The following RSRP1 variants were observed in gnomAD, a reference collection of about 807,000 sequenced individuals.
The protein encoded by RSRP1 is arginine and serine rich protein 1.
RSRP1 carries 37 observed loss-of-function variants against 33.0 expected under a neutral mutation model. The ratio of observed to expected loss-of-function variants is 1.12; its 90% CI spans 0.86 to 1.48. RSRP1 has a LOEUF of 1.48. Among genes scored for constraint, RSRP1 ranks in the 40% most tolerant of loss-of-function variants. RSRP1 has a pLI of 0.00. For synonymous variants in RSRP1, 167 were observed against 158.7 expected (o/e 1.05, Z -0.40); for missense variants, 402 against 385.3 (o/e 1.04, Z -0.36).
Position 25,324,567 on chromosome 1 carries a change from T to TA in RSRP1, c.-67+13410dup, listed in dbSNP as rs1194585623. ...AGATCAAGTGAGGTAATAATGTCTG[T>TA]AACAACATTCTGTAAAATGCAAACC... On this transcript the variant is annotated intron_variant, in intron 1 of 1. Transcript: ENST00000561867. 2.0e-5 allele frequency among the ~76,000 whole-genome samples: 3 copies of TA among 152,250 alleles called. No homozygotes were observed. The East Asian group carries it at 5.8e-4, about 29-fold the overall frequency.
At chr1:25,332,073 C>T (rs1402264429) in intron 1 of RSRP1, among the ~76,000 whole-genome samples, 2 of 113,260 alleles carry the variant, frequency 1.8e-5, no homozygotes, top group African/African-American at 6.1e-5. Flanking sequence ...TGGAGTCTTG[C>T]TCTGTTGCCC....
chr1:25,274,882 C>T (rs1353482957), intron 1 of RSRP1, among the ~76,000 whole-genome samples: 3 of 131,134 alleles, frequency 2.3e-5, no homozygotes, highest in African/African-American at 7.8e-5. Context: ...TGGCACACGT[C>T]TATAATCCGA....
chr1:25,322,649 G>C (rs553408584), intron 1 of RSRP1, among the ~76,000 whole-genome samples: 1 of 128,830 alleles, frequency 7.8e-6, no homozygotes, highest in Non-Finnish European at 1.8e-5. Context: ...CTCCAGCCTG[G>C]GTGACAGAGC....
At chr1:25,255,880 T>C (rs1193616823) in intron 1 of RSRP1, among the ~76,000 whole-genome samples, 4 of 152,088 alleles carry the variant, frequency 2.6e-5, no homozygotes, top group African/African-American at 9.7e-5. Flanking sequence ...CAGGCAGTAA[T>C]GCAAGTGATA....
intron 1 of RSRP1, among the ~76,000 whole-genome samples, chr1:25,315,154 C>CA (rs1219222763): frequency 1.6e-5 from 2 of 127,710 alleles, no homozygotes; most frequent in East Asian, 2.0e-4. Flanking sequence ...GACTCCATCT[C>CA]AAAAAAAAAT....
Position 25,275,398 on chromosome 1 carries a change from C to T in RSRP1, c.-66-28369G>A, listed in dbSNP as rs1004026247. On this transcript the variant is annotated intron_variant, in intron 1 of 1. Transcript: ENST00000561867. Reference sequence around the variant, plus strand: ...CTGAGGTCCGAATAGTAAACAGCAGCGAGACAAGTTTGGGTTTGGGTCATG... The same window carrying T: ...CTGAGGTCCGAATAGTAAACAGCAGTGAGACAAGTTTGGGTTTGGGTCATG... Among the ~76,000 whole-genome samples, 8 of 132,150 alleles carry T rather than the reference C, an allele frequency of 6.1e-5. 1 individual carries two copies. Among genetic ancestry groups the T allele is most frequent in the Non-Finnish European group, 9.0e-5 (5 of 55,762 alleles). 86.7% of individuals were successfully genotyped at this position (132,150 alleles called of 152,430 possible). A position where few individuals can be genotyped will look rare whatever the true frequency, so the allele number is the denominator to read the frequency against.
chr1:25,333,603 G>T lies in RSRP1; in HGVS notation c.-67+4375C>A, dbSNP rs1291393700. ...GCCTGGCCAGGAGCTAGAGCATGAG[G>T]ATCTCGTAGGATTTTATTCTGCAAG... On this transcript the variant is annotated intron_variant, in intron 1 of 1. Transcript: ENST00000561867. Among the ~76,000 whole-genome samples, 8 of 131,154 alleles carry T rather than the reference G, an allele frequency of 6.1e-5. 2 individuals carry two copies. Among genetic ancestry groups the T allele is most frequent in the African/African-American group, 2.1e-4 (8 of 37,994 alleles). The allele number at this position is 131,154 out of a possible 152,430, so 86.0% of individuals were successfully genotyped here.
In RSRP1 at chr1:25,298,945, G is replaced by C. The variant is rs560598943; in HGVS notation, c.-67+39033C>G. Among the ~76,000 whole-genome samples the C allele has an allele frequency of 8.6e-5, 11 of 128,368 alleles. 3 individuals carry two copies. Among genetic ancestry groups the C allele is most frequent in the Admixed American group, 3.0e-4 (4 of 13,132 alleles). The allele number at this position is 128,368 out of a possible 152,430, so 84.2% of individuals were successfully genotyped here. ...CATCTTATCAAGAGGGTGATTTTTTGAGTACAGACCTGAAGGTAACGAGTG... is the reference window on the plus strand; with the variant it reads ...CATCTTATCAAGAGGGTGATTTTTTCAGTACAGACCTGAAGGTAACGAGTG... On this transcript the variant is annotated intron_variant, in intron 1 of 1. Coordinates refer to the RSRP1 transcript ENST00000561867.
intron 1 of RSRP1, among the ~76,000 whole-genome samples, chr1:25,319,221 G>C (rs1364643432): frequency 7.6e-6 from 1 of 131,726 alleles, no homozygotes; most frequent in East Asian, 1.9e-4. Context: ...ATTCTTCACT[G>C]GAGTCAAAAA....
chr1:25,246,937 C>G lies in RSRP1; in HGVS notation c.27G>C (p.Trp9Cys). ...AATCCTTCTCCTGCGGCGAGCCCGG[C>G]CACATGTCGTTCACGTAGTTGGACA... MSNYVNDM[W>C]PGSPQEKDSP... Residue 9 changes from tryptophan (W) to cysteine (C), a missense_variant, in exon 2 of 5, where the codon TGG becomes TGC. Trp to Cys is a radical substitution (Grantham distance 215, BLOSUM62 -2). Transcript: ENST00000243189. 6.3e-7 allele frequency: 1 copy of G among 1,586,996 alleles called. No individual in the cohort carries two copies. Among genetic ancestry groups the G allele is most frequent in the Non-Finnish European group, 8.6e-7 (1 of 1,163,368 alleles).
intron 1 of RSRP1, chr1:25,321,777 A>G: frequency 1.8e-6 from 1 of 551,504 alleles, no homozygotes; most frequent in Non-Finnish European, 3.5e-6. Flanking sequence ...TTGTGGGAGA[A>G]AAAGGATTTC....
In RSRP1 at chr1:25,246,814, C is replaced by G. The variant is rs754196733; in HGVS notation, c.150G>C (p.Ser50=). 6.2e-7 allele frequency: 1 copy of G among 1,613,460 alleles called. No homozygotes were observed. Among genetic ancestry groups the G allele is most frequent in the South Asian group, 1.1e-5 (1 of 91,086 alleles). ...TCCGACTCCTGGACGAAAACCGGCTCGAGACGCGGGAATGGGACCGAGAGC... is the reference window on the plus strand; with the variant it reads ...TCCGACTCCTGGACGAAAACCGGCTGGAGACGCGGGAATGGGACCGAGAGC... ...SRSSRSHSRV[S]SRFSSRSRRS... The change falls in exon 2 of 5, where the codon TCG becomes TCC. Residue 50 remains serine, a synonymous_variant. Coordinates refer to ENST00000243189, the MANE Select transcript of RSRP1 (RefSeq NM_020317.5).
rs557746335 is a variant in RSRP1, at chr1:25,276,532, T to TAAAAAAAAAAAAAAAAAA, written c.-66-29521_-66-29504dup. On this transcript the variant is annotated intron_variant, in intron 1 of 1. Transcript: ENST00000561867. ...ACATAGGGAGACCCCCCCCCATCTC[T>TAAAAAAAAAAAAAAAAAA]AAAAAAAAAAAAAAAAAAAAAAACT... is the stretch of plus-strand genomic sequence containing the variant. 1.6e-3 allele frequency among the ~76,000 whole-genome samples: 105 copies of TAAAAAAAAAAAAAAAAAA among 64,776 alleles called. 7 individuals are homozygous for TAAAAAAAAAAAAAAAAAA. The highest frequency in any genetic ancestry group is 6.6e-3 in the African/African-American group (91 of 13,858). The allele number at this position is 64,776 out of a possible 152,430, so 42.5% of individuals were successfully genotyped here.
At chr1:25,283,535 TAAA>T (rs143319928) in intron 1 of RSRP1, among the ~76,000 whole-genome samples, 1 of 109,142 alleles carries the variant, frequency 9.2e-6, no homozygotes, top group Non-Finnish European at 2.3e-5. Flanking sequence ...ATCTCGATAT[TAAA>T]AAAAAAAATC....
At chr1:25,322,375 T>C (rs1180128626) in intron 1 of RSRP1, among the ~76,000 whole-genome samples, 1 of 132,820 alleles carries the variant, frequency 7.5e-6, no homozygotes, top group African/African-American at 2.6e-5. Flanking sequence ...ACATGACTTA[T>C]CAAGATCTTA....
At chr1:25,248,359 T>C (rs1336591889), upstream of RSRP1, 1 of 150,904 alleles carries the variant, frequency 6.6e-6, no homozygotes, top group Non-Finnish European at 1.5e-5. Flanking sequence ...CTTTTTTTTT[T>C]TTTTTTTTTT....
At chr1:25,252,369 A>G (rs1639814724), upstream of RSRP1, among the ~76,000 whole-genome samples, 4 of 152,082 alleles carry the variant, frequency 2.6e-5, no homozygotes, top group Admixed American at 2.6e-4. Flanking sequence ...TTGAGCAAAT[A>G]GCAGTGAGGA....
intron 1 of RSRP1, chr1:25,329,206 G>A (rs1347462322): frequency 1.1e-5 from 5 of 471,628 alleles, no homozygotes; most frequent in South Asian, 5.6e-5. Flanking sequence ...TGGTCATCCA[G>A]TAAGCTAAGG....
At position 25,243,618 on chromosome 1, in the gene RSRP1, T is replaced by G; in HGVS notation, c.688A>C (p.Thr230Pro). The G allele has an allele frequency of 6.2e-7, 1 of 1,613,862 alleles. No homozygotes were observed. The highest frequency in any genetic ancestry group is 2.2e-5 in the East Asian group (1 of 44,814). Residue 230 changes from threonine to proline, a missense_variant, in exon 4 of 5, where the codon ACA (threonine) becomes CCA (proline). Coordinates refer to ENST00000243189, the MANE Select transcript of RSRP1 (RefSeq NM_020317.5). ...GAKPELSEKV[T>P]EDGTRNPNEK... ...TTGGGATTTCGAGTTCCATCTTCTG[T>G]TACCTTTTCCGACAGCTAGACAGGT...
Sources: gnomAD v4.1 joint callset for allele counts (sites outside exome capture counted in the v4.1 genomes callset) on GRCh38, gnomAD v4.1.1 for gene constraint, MANE v1.5 for transcripts, NCBI Gene and HGNC (gene_info 2026-07-23, HGNC 2026-07-21) for gene names.